The following SCN3A variants were observed in gnomAD, a reference collection of about 807,000 sequenced individuals.
The protein encoded by SCN3A is sodium channel protein type 3 subunit alpha.
SCN3A carries 60 observed loss-of-function variants against 187.6 expected under a neutral mutation model. The ratio of observed to expected loss-of-function variants is 0.32; its 90% CI spans 0.26 to 0.40. The LOEUF (loss-of-function observed/expected upper bound fraction) is 0.40. SCN3A is among the 10% of genes least tolerant of loss of function. The pLI, the probability that SCN3A is intolerant of heterozygous loss-of-function variation, is 1.00. For synonymous variants in SCN3A, 788 were observed against 829.2 expected (o/e 0.95, Z 0.85); for missense variants, 1,601 against 2,428.2 (o/e 0.66, Z 7.16).
At chr2:165,122,230 C>CTTTTTTTTTTTTTTTTTT (rs776949572) in intron 18 of SCN3A, among the ~76,000 whole-genome samples, 18 of 113,912 alleles carry the variant, frequency 1.6e-4, no homozygotes, top group South Asian at 3.0e-4. Context: ...TTCTTTCTTT[C>CTTTTTTTTTTTTTTTTTT]TTTTTTTTCT....
chr2:165,112,411 A>T (rs930350435), intron 21 of SCN3A, among the ~76,000 whole-genome samples: 2 of 152,226 alleles, frequency 1.3e-5, no homozygotes, highest in Non-Finnish European at 2.9e-5. Flanking sequence ...CTGTGGCTGA[A>T]TGAAGTCAGT....
At chr2:165,128,227 A>C in intron 17 of SCN3A, 126 bp from the exon 18 acceptor site, 1 of 764,984 alleles carries the variant, frequency 1.3e-6, no homozygotes, top group East Asian at 2.7e-5. Flanking sequence ...TGCTTACTAT[A>C]TTTCAGATGC....
intron 1 of SCN3A, among the ~76,000 whole-genome samples, chr2:165,203,157 T>G (rs1464961600): frequency 1.3e-5 from 2 of 151,862 alleles, no homozygotes; most frequent in Non-Finnish European, 2.9e-5. Flanking sequence ...AATCTTTAAA[T>G]CAATAAATTA....
intron 1 of SCN3A, among the ~76,000 whole-genome samples, chr2:165,194,036 G>A (rs1433033960): frequency 6.6e-6 from 1 of 152,078 alleles, no homozygotes; most frequent in Admixed American, 6.6e-5. Flanking sequence ...CTCCAAGATG[G>A]TGCCTCAGAA....
At chr2:165,115,384 TA>T (rs1686319671) in intron 19 of SCN3A, 70 bp downstream of exon 19, 3 of 1,589,704 alleles carry the variant, frequency 1.9e-6, no homozygotes, top group East Asian at 2.2e-5. Context: ...TTTTTTTTTT[TA>T]AATGAGGCAT....
At position 165,089,869 on chromosome 2, in the gene SCN3A, C is replaced by T; in HGVS notation, c.*281G>A. Reference sequence around the variant, plus strand: ...AGGTGTTTGGTGTAGTTACAATGTTCACTTTGCACAACTATCCCTATAGTC... The same window carrying T: ...AGGTGTTTGGTGTAGTTACAATGTTTACTTTGCACAACTATCCCTATAGTC... On this transcript the variant is annotated 3_prime_UTR_variant, in exon 28 of 28. Transcript: ENST00000283254. 7.0e-6 allele frequency: 3 copies of T among 429,848 alleles called. No homozygotes were observed. The highest frequency in any genetic ancestry group is 1.3e-5 in the Non-Finnish European group (3 of 236,424). 26.6% of individuals were successfully genotyped at this position (429,848 alleles called of 1,614,324 possible).
chr2:165,195,674 T>C (rs543723796), intron 1 of SCN3A: 5 of 152,240 alleles, frequency 3.3e-5, no homozygotes, highest in African/African-American at 1.2e-4. Context: ...GATCTCACAG[T>C]GTTTTCTGAA....
rs2105621335 is a variant in SCN3A, at chr2:165,091,147, T to C, written c.5006A>G (p.Tyr1669Cys). 1.2e-6 allele frequency: 2 copies of C among 1,614,084 alleles called. No individual in the cohort carries two copies. Among genetic ancestry groups the C allele is most frequent in the Non-Finnish European group, 1.7e-6 (2 of 1,179,988 alleles). Reference sequence around the variant, plus strand: ...AAAGTTGGACATCCCAAAGATGGCATAGATAAACATGACCAGGAAGAGCAG... The same window carrying C: ...AAAGTTGGACATCCCAAAGATGGCACAGATAAACATGACCAGGAAGAGCAG... The part of the protein sequence containing the change: ...GLLLFLVMFI[Y>C]AIFGMSNFAY... The change falls in exon 28 of 28, where the codon TAT (tyrosine) becomes TGT (cysteine). Residue 1669 changes from tyrosine (Y) to cysteine (C), a missense_variant. Around this residue, in one of 11 missense-constraint regions of SCN3A, gnomAD observed 320 missense variants for 623.2 expected, o/e 0.51. Coordinates refer to ENST00000283254, the MANE Select transcript of SCN3A (RefSeq NM_006922.4).
intron 9 of SCN3A, 25 bp from the exon 10 acceptor site, chr2:165,155,928 G>A (rs755273836): frequency 6.2e-7 from 1 of 1,613,816 alleles, no homozygotes; most frequent in South Asian, 1.1e-5. Context: ...AATGGAGGTA[G>A]GGTCAGTTTA....
intron 11 of SCN3A, among the ~76,000 whole-genome samples, chr2:165,153,523 A>G (rs1688821964): frequency 6.6e-6 from 1 of 152,160 alleles, no homozygotes; most frequent in African/African-American, 2.4e-5. Context: ...TCAAAACTCA[A>G]TAATATGAAA....
chr2:165,199,216 A>G (rs771144487), intron 1 of SCN3A, among the ~76,000 whole-genome samples: 3 of 152,058 alleles, frequency 2.0e-5, no homozygotes, highest in Non-Finnish European at 4.4e-5. Flanking sequence ...ATTGAATAAA[A>G]CAATATTAAA....
At chr2:165,187,370 A>G (rs1218834064) in intron 1 of SCN3A, among the ~76,000 whole-genome samples, 8 of 152,246 alleles carry the variant, frequency 5.3e-5, no homozygotes, top group Non-Finnish European at 7.3e-5. Flanking sequence ...ACCAACAGCA[A>G]TGGCTTAGCA....
At chr2:165,190,644 G>A (rs896553808) in intron 1 of SCN3A, among the ~76,000 whole-genome samples, 2 of 147,824 alleles carry the variant, frequency 1.4e-5, no homozygotes, top group Admixed American at 1.4e-4. Context: ...TTTTAGAAGA[G>A]GTGAGATATA....
rs750658749 is a variant in SCN3A at position 165,091,187 on chromosome 2, A to C, written c.4966T>G (p.Phe1656Val). ...FALMMSLPAL[F>V]NIGLLLFLVM... ...AGGAAGAGCAGGAGGCCGATGTTAAACAACGCAGGAAGGGACATCATCAAA... is the reference window on the plus strand; with the variant it reads ...AGGAAGAGCAGGAGGCCGATGTTAACCAACGCAGGAAGGGACATCATCAAA... The change falls in exon 28 of 28, where the codon TTT (phenylalanine) becomes GTT (valine). Residue 1656 changes from phenylalanine (F) to valine (V), a missense_variant. Physicochemically the swap from Phe to Val is conservative, Grantham distance 50 (BLOSUM62 -1). This residue lies in a region of SCN3A where 320 missense variants were observed against 623.2 expected (regional missense o/e 0.51). Coordinates refer to ENST00000283254, the MANE Select transcript of SCN3A (RefSeq NM_006922.4). 1 of 1,614,142 alleles carries C rather than the reference A, an allele frequency of 6.2e-7. No individual in the cohort carries two copies. Among genetic ancestry groups the C allele is most frequent in the Non-Finnish European group, 8.5e-7 (1 of 1,180,004 alleles).
intron 21 of SCN3A, among the ~76,000 whole-genome samples, chr2:165,102,686 T>C (rs1056998670): frequency 2.6e-5 from 4 of 152,178 alleles, no homozygotes; most frequent in African/African-American, 9.7e-5. Context: ...TACACTTATT[T>C]TAATGGACCT....
intron 11 of SCN3A, among the ~76,000 whole-genome samples, chr2:165,150,872 T>C (rs572831086): frequency 6.9e-4 from 105 of 152,308 alleles, no homozygotes; most frequent in Non-Finnish European, 1.3e-3. Context: ...TGAACATTAT[T>C]TCCTATAACA....
intron 15 of SCN3A, among the ~76,000 whole-genome samples, chr2:165,132,769 A>T (rs559554260): frequency 6.6e-6 from 1 of 152,224 alleles, no homozygotes; most frequent in African/African-American, 2.4e-5. Flanking sequence ...ACAAAAGCCA[A>T]AATTGACAAA....
intron 4 of SCN3A, 34 bp from the exon 5 acceptor site, chr2:165,168,859 T>C: frequency 7.1e-7 from 1 of 1,416,544 alleles, no homozygotes; most frequent in Non-Finnish European, 1.0e-6. Context: ...TGTTAGTAGG[T>C]TACCATGGCC....
chr2:165,112,089 A>T (rs1686145989), intron 21 of SCN3A, among the ~76,000 whole-genome samples: 1 of 152,190 alleles, frequency 6.6e-6, no homozygotes, highest in African/African-American at 2.4e-5. Context: ...AAATGGCTAG[A>T]GATAGTATTT....
Sources: allele counts gnomAD v4.1 joint callset (sites outside exome capture counted in the v4.1 genomes callset), GRCh38; gene constraint gnomAD v4.1.1; regional missense constraint gnomAD v4.1.1; transcripts MANE v1.5; gene names NCBI Gene and HGNC (gene_info 2026-07-23, HGNC 2026-07-21).